The following SYNE1 variants were observed in gnomAD, a reference collection of about 807,000 sequenced individuals.
SYNE1 encodes nesprin-1.
A neutral mutation model predicts 1,111.0 loss-of-function variants in SYNE1; 616 were observed. That is an observed-to-expected ratio of 0.55 (90% confidence interval 0.52 to 0.59). The LOEUF (loss-of-function observed/expected upper bound fraction) is 0.59, where lower values mean the gene tolerates loss of function less well. SYNE1 is among the 20% of genes least tolerant of loss of function. SYNE1 has a pLI of 0.00. For missense variants in SYNE1, 10,006 were observed against 10,417.0 expected (o/e 0.96, Z 1.72); for synonymous variants, 3,855 against 3,825.8 (o/e 1.01, Z -0.28).
chr6:152,318,986 C>T lies in SYNE1; in HGVS notation c.16266G>A (p.Gln5422=). The T allele has an allele frequency of 1.2e-6, 2 of 1,614,166 alleles. No individual in the cohort carries two copies. Among genetic ancestry groups the T allele is most frequent in the Admixed American group, 3.3e-5 (2 of 60,022 alleles). ...QIQDKIKEVE[Q]SKATSQELSR... ...TGAGTTCCTGGCTCGTGGCCTTGCT[C>T]TGCTCAACTTCTTTTATTTTGTCTT... Residue 5422 remains glutamine, a synonymous_variant, in exon 85 of 146, where the codon CAG becomes CAA. Transcript: ENST00000367255.
chr6:152,425,618 GC>G (rs1439990875), intron 38 of SYNE1, 71 bp from the exon 39 acceptor site: 4 of 1,576,284 alleles, frequency 2.5e-6, no homozygotes, highest in Non-Finnish European at 3.5e-6. Flanking sequence ...GGCACAGGCG[GC>G]TGTTGTCCAA....
rs535666642 is a variant in SYNE1 at position 152,362,932 on chromosome 6, G to C, written c.10146-609C>G. ...TCTTGGCCGTCTCACCCAGGCTGGA[G>C]TGCAGTGGCGCGATCTCGGCTCACT... On this transcript the variant is annotated intron_variant, in intron 63 of 145. Transcript: ENST00000367255. Among the ~76,000 whole-genome samples the C allele has an allele frequency of 3.3e-5, 5 of 151,562 alleles. No homozygotes were observed. In the East Asian group the frequency reaches 1.0e-3, roughly 30 times the overall value.
At chr6:152,566,764 G>A (rs970559759) in intron 3 of SYNE1, among the ~76,000 whole-genome samples, 60 of 152,278 alleles carry the variant, frequency 3.9e-4, no homozygotes, top group African/African-American at 1.3e-3. Flanking sequence ...AACCGCAGTT[G>A]TAAGAGTGAC....
intron 12 of SYNE1, among the ~76,000 whole-genome samples, chr6:152,486,107 A>T (rs2098938086): frequency 6.6e-6 from 1 of 152,104 alleles, no homozygotes; most frequent in Non-Finnish European, 1.5e-5. Context: ...AGGCAGGAGA[A>T]TCGCTTGAGC....
chr6:152,536,411 TAA>T (rs1491356805), intron 4 of SYNE1, among the ~76,000 whole-genome samples: 27 of 138,658 alleles, frequency 1.9e-4, no homozygotes, highest in Middle Eastern at 3.6e-3. Flanking sequence ...CTATATATAG[TAA>T]TATATATATT....
chr6:152,187,634 A>T (rs573388895), intron 128 of SYNE1, among the ~76,000 whole-genome samples: 6 of 152,120 alleles, frequency 3.9e-5, no homozygotes, highest in Admixed American at 3.9e-4. Flanking sequence ...TCGAAACTCA[A>T]TTCAAAATGT....
intron 56 of SYNE1, among the ~76,000 whole-genome samples, chr6:152,378,801 A>G (rs185329846): frequency 4.5e-4 from 68 of 152,268 alleles, no homozygotes; most frequent in Admixed American, 4.2e-3. Flanking sequence ...CCTTGCAGAC[A>G]TTCATCACAA....
rs141934894 is a variant in SYNE1, at chr6:152,185,971, G to A, written c.23301+3281C>T. Among the ~76,000 whole-genome samples the A allele has an allele frequency of 3.7e-3, 570 of 152,212 alleles. 5 individuals are homozygous for A. The highest frequency in any genetic ancestry group is 0.013 in the African/African-American group (540 of 41,534). ...GTCATTATTTTACACTAAGAGAAAC[G>A]TAAGTATGAGGAAATAGAATCGATG... On this transcript the variant is annotated intron_variant, in intron 128 of 145. Transcript: ENST00000367255.
At chr6:152,264,940 T>A (rs1193564447) in intron 100 of SYNE1, among the ~76,000 whole-genome samples, 1 of 152,138 alleles carries the variant, frequency 6.6e-6, no homozygotes, top group African/African-American at 2.4e-5. Context: ...CTGGGCGTGG[T>A]GGCTCACACC....
At chr6:152,320,781 C>T (rs925369866) in intron 84 of SYNE1, among the ~76,000 whole-genome samples, 6 of 152,146 alleles carry the variant, frequency 3.9e-5, no homozygotes, top group Non-Finnish European at 7.4e-5. Flanking sequence ...AGGGGACCCA[C>T]CCGCATGCAT....
At chr6:152,185,522 A>T (rs2069590556) in intron 128 of SYNE1, 1 of 152,274 alleles carries the variant, frequency 6.6e-6, no homozygotes, top group Admixed American at 6.5e-5. Flanking sequence ...TTAGAGTTAC[A>T]TCCTGGCACC....
chr6:152,187,392 G>A lies in SYNE1; in HGVS notation c.23301+1860C>T, dbSNP rs532105664. 2.0e-5 allele frequency among the ~76,000 whole-genome samples: 3 copies of A among 152,220 alleles called. No homozygotes were observed. In the South Asian group the frequency reaches 6.2e-4, roughly 32 times the overall value. On this transcript the variant is annotated intron_variant, in intron 128 of 145. Coordinates refer to ENST00000367255, the MANE Select transcript of SYNE1 (RefSeq NM_182961.4). Reference sequence around the variant, plus strand: ...CTGTTTAATGGTTCCTGAAGTATGAGGATAAGCATCTCTAAAGTCAGAGAA... The same window carrying A: ...CTGTTTAATGGTTCCTGAAGTATGAAGATAAGCATCTCTAAAGTCAGAGAA...
chr6:152,289,916 G>A (rs567555806), intron 95 of SYNE1, among the ~76,000 whole-genome samples: 1,987 of 141,782 alleles, frequency 0.014, 26 homozygotes, highest in South Asian at 0.024. Flanking sequence ...ATGAGCTACC[G>A]CGCCCAGCCT....
intron 131 of SYNE1, among the ~76,000 whole-genome samples, chr6:152,159,996 T>C (rs1459837868): frequency 6.6e-6 from 1 of 152,108 alleles, no homozygotes; most frequent in Non-Finnish European, 1.5e-5. Flanking sequence ...GAACAAAATA[T>C]ACTATGGTTA....
intron 58 of SYNE1, chr6:152,376,165 C>A (rs2097277165): frequency 1.8e-6 from 1 of 551,438 alleles, no homozygotes; most frequent in African/African-American, 1.9e-5. Flanking sequence ...GGTTCAGGCT[C>A]CTATGAGAAT....
chr6:152,176,617 C>A, intron 129 of SYNE1, 57 bp from the exon 130 acceptor site: 1 of 1,528,714 alleles, frequency 6.5e-7, no homozygotes, highest in Non-Finnish European at 9.1e-7. Context: ...TACATCCAGC[C>A]CAGCTCTACT....
rs1399402403 is a variant in SYNE1 at position 152,155,129 on chromosome 6, G to GC, written c.23979-88_23979-87insG. The GC allele has an allele frequency of 3.9e-6, 6 of 1,552,556 alleles. No homozygotes were observed. The East Asian group carries it at 1.3e-4, about 35-fold the overall frequency. ...GGTCTGCTGCCTGCGACTGGATTAAGGGTGCCCACAGAGGCAACTGTTGTG... is the reference window on the plus strand; with the variant it reads ...GGTCTGCTGCCTGCGACTGGATTAAGCGGTGCCCACAGAGGCAACTGTTGTG... On this transcript the variant is annotated intron_variant, in intron 132 of 145. Transcript: ENST00000367255.
chr6:152,570,026 TC>T (rs978816475), intron 3 of SYNE1, among the ~76,000 whole-genome samples: 1 of 152,238 alleles, frequency 6.6e-6, no homozygotes, highest in Non-Finnish European at 1.5e-5. Flanking sequence ...CAATTTAGTT[TC>T]TGAAATAATT....
Position 152,541,920 on chromosome 6 carries a change from C to A in SYNE1, c.68-1899G>T, listed in dbSNP as rs539789361. Among the ~76,000 whole-genome samples, 34 of 151,694 alleles carry A rather than the reference C, an allele frequency of 2.2e-4. No individual in the cohort carries two copies. In the East Asian group the frequency reaches 6.4e-3, roughly 28 times the overall value. ...ACACACAATTTACTCATGTAACAAA[C>A]CTAGACATGTAACCCCTGCACCTAA... On this transcript the variant is annotated intron_variant, in intron 3 of 145. Transcript: ENST00000367255.
Sources: gnomAD v4.1 joint callset for allele counts (sites outside exome capture counted in the v4.1 genomes callset) on GRCh38, gnomAD v4.1.1 for gene constraint, MANE v1.5 for transcripts, NCBI Gene and HGNC (gene_info 2026-07-23, HGNC 2026-07-21) for gene names.